Variants in DAB1 observed in about 807,000 individuals in gnomAD.
DAB1 encodes disabled homolog 1.
A neutral mutation model predicts 64.6 loss-of-function variants in DAB1; 15 were observed. The ratio of observed to expected loss-of-function variants is 0.23; its 90% confidence interval spans 0.16 to 0.36. DAB1 has a LOEUF of 0.36. Ranked by LOEUF, DAB1 falls within the 10% of genes least tolerant of loss-of-function variation. The pLI is 1.00. For missense variants in DAB1, 596 were observed against 706.7 expected (o/e 0.84, Z 1.78); for synonymous variants, 235 against 251.9 (o/e 0.93, Z 0.64).
At chr1:58,357,479 T>A (rs144210141) in intron 3 of DAB1, among the ~76,000 whole-genome samples, 4 of 152,200 alleles carry the variant, frequency 2.6e-5, no homozygotes, top group Non-Finnish European at 4.4e-5. Context: ...ATATGACCTG[T>A]TAACTTCCAA....
intron 3 of DAB1, among the ~76,000 whole-genome samples, chr1:58,477,329 TTAAA>T (rs1393315786): frequency 2.0e-5 from 3 of 152,232 alleles, no homozygotes; most frequent in Non-Finnish European, 4.4e-5. Context: ...TTTTATCAGA[TTAAA>T]TGTCATTTCA....
intron 1 of DAB1, among the ~76,000 whole-genome samples, chr1:57,334,420 T>A (rs1216425405): frequency 6.6e-6 from 1 of 152,216 alleles, no homozygotes. Flanking sequence ...ATGAAGCTAG[T>A]AACTCTCCCC....
chr1:58,418,062 T>C (rs984806206), intron 3 of DAB1, among the ~76,000 whole-genome samples: 3 of 152,008 alleles, frequency 2.0e-5, no homozygotes, highest in Non-Finnish European at 4.4e-5. Context: ...GCAGTGAGCC[T>C]CCCAGCCCAA....
intron 5 of DAB1, among the ~76,000 whole-genome samples, chr1:58,087,769 G>T (rs1032387497): frequency 4.6e-5 from 7 of 152,198 alleles, no homozygotes; most frequent in African/African-American, 1.7e-4. Flanking sequence ...AGAGGAATTT[G>T]TGCAAAATTG....
At chr1:57,190,264 AAG>A (rs1376147394) in intron 2 of DAB1, among the ~76,000 whole-genome samples, 4 of 152,176 alleles carry the variant, frequency 2.6e-5, no homozygotes, top group Non-Finnish European at 1.5e-5. Flanking sequence ...TGCCTTAGAA[AAG>A]AGAGTTCACA....
chr1:57,410,384 T>G (rs1684011345), intron 1 of DAB1, among the ~76,000 whole-genome samples: 1 of 152,166 alleles, frequency 6.6e-6, no homozygotes, highest in African/African-American at 2.4e-5. Flanking sequence ...TCAGAAACTC[T>G]CAATCTTTAG....
rs146621163 is a variant in DAB1 at position 58,368,883 on chromosome 1, C to T, written n.258-25480G>A. ...CTCCACAAAAGACACAAAAATTATC[C>T]GGGCATGGTGGCACATGCCTGTGGT... On this transcript the variant is annotated intron_variant and non_coding_transcript_variant, in intron 3 of 20. Transcript: ENST00000485760. Among the ~76,000 whole-genome samples the T allele has an allele frequency of 9.0e-3, 1,373 of 152,210 alleles. 24 individuals carry two copies. Among genetic ancestry groups the T allele is most frequent in the African/African-American group, 0.032 (1,320 of 41,538 alleles).
chr1:57,313,990 C>A (rs1003174353), intron 1 of DAB1, among the ~76,000 whole-genome samples: 11 of 152,156 alleles, frequency 7.2e-5, no homozygotes, highest in African/African-American at 2.7e-4. Context: ...GACCTTCCAG[C>A]CTCCAGGACT....
intron 4 of DAB1, among the ~76,000 whole-genome samples, chr1:58,327,638 G>A (rs1662865293): frequency 6.6e-6 from 1 of 152,166 alleles, no homozygotes; most frequent in South Asian, 2.1e-4. Context: ...GGTAAGCAGA[G>A]AGGCTTCTCA....
chr1:58,025,653 A>ATATATATATATATATATATATGTGTGTG (rs1557614938), intron 5 of DAB1, among the ~76,000 whole-genome samples: 135 of 45,478 alleles, frequency 3.0e-3, no homozygotes, highest in African/African-American at 9.5e-3. Flanking sequence ...ATATGTGTGT[A>ATATATATATATATATATATATGTGTGTG]TATATATATA....
chr1:57,921,868 T>TC (rs1644812402), intron 5 of DAB1, among the ~76,000 whole-genome samples: 1 of 152,040 alleles, frequency 6.6e-6, no homozygotes, highest in Non-Finnish European at 1.5e-5. Context: ...GCCACAGCCA[T>TC]CCCCTTGAAC....
rs79675006 is a variant in DAB1 at position 57,027,759 on chromosome 1, C to T, written c.724-1716G>A. 5.1e-3 allele frequency among the ~76,000 whole-genome samples: 773 copies of T among 152,280 alleles called. 14 individuals carry two copies. Among genetic ancestry groups the T allele is most frequent in the East Asian group, 0.013 (67 of 5,184 alleles). ...TTTTGCTGAAAGGAGACAAGCTTGG[C>T]TTTGTTAACTTACTTGCAGCTCTTC... On this transcript the variant is annotated intron_variant, in intron 9 of 14. Transcript: ENST00000371236.
chr1:57,541,723 A>C (rs1475052993), intron 7 of DAB1, among the ~76,000 whole-genome samples: 1 of 152,226 alleles, frequency 6.6e-6, no homozygotes. Flanking sequence ...TAGAAAAAAA[A>C]CAAGGTAATG....
At chr1:58,527,052 C>T (rs1250853112) in intron 2 of DAB1, among the ~76,000 whole-genome samples, 1 of 152,048 alleles carries the variant, frequency 6.6e-6, no homozygotes, top group African/African-American at 2.4e-5. Flanking sequence ...CATAATACAG[C>T]TTCAAATATA....
intron 1 of DAB1, among the ~76,000 whole-genome samples, chr1:57,317,995 A>T (rs1378132052): frequency 6.6e-6 from 1 of 152,090 alleles, no homozygotes; most frequent in African/African-American, 2.4e-5. Context: ...TAAATTTTAC[A>T]GTCAATGCCA....
intron 5 of DAB1, among the ~76,000 whole-genome samples, chr1:58,086,253 G>A (rs1369767764): frequency 1.3e-5 from 2 of 152,046 alleles, no homozygotes; most frequent in African/African-American, 4.8e-5. Flanking sequence ...GTGAGCCACC[G>A]CGCCCGGCCT....
At chr1:57,114,471 A>G (rs556863847) in intron 4 of DAB1, among the ~76,000 whole-genome samples, 9 of 152,360 alleles carry the variant, frequency 5.9e-5, no homozygotes, top group African/African-American at 1.9e-4. Context: ...TTAAGAAGAA[A>G]AAAAAAGCAA....
intron 6 of DAB1, among the ~76,000 whole-genome samples, chr1:57,779,141 A>C (rs891512841): frequency 6.6e-5 from 10 of 152,284 alleles, no homozygotes; most frequent in Admixed American, 3.3e-4. Flanking sequence ...TCAGAGAGTA[A>C]TGAGAAGACT....
intron 2 of DAB1, among the ~76,000 whole-genome samples, chr1:57,178,312 A>T (rs1310157351): frequency 6.6e-6 from 1 of 152,132 alleles, no homozygotes; most frequent in Non-Finnish European, 1.5e-5. Flanking sequence ...AAAAAAAAAA[A>T]AATGGTCATA....
Sources: allele counts gnomAD v4.1 joint callset (sites outside exome capture counted in the v4.1 genomes callset), GRCh38; gene constraint gnomAD v4.1.1; transcripts MANE v1.5; gene names NCBI Gene and HGNC (gene_info 2026-07-23, HGNC 2026-07-21).